Variants in SHTN1 observed in about 807,000 individuals in gnomAD.
The protein encoded by SHTN1 is shootin-1.
In SHTN1, 42 loss-of-function variants were observed where a neutral mutation model predicts 83.1. The ratio of observed to expected loss-of-function variants is 0.51; its 90% CI spans 0.39 to 0.65. SHTN1 has a LOEUF of 0.65. SHTN1 is among the 30% of genes least tolerant of loss of function. SHTN1 has a pLI of 0.00. For synonymous variants in SHTN1, 224 were observed against 247.7 expected (o/e 0.90, Z 0.90); for missense variants, 622 against 737.8 (o/e 0.84, Z 1.82).
At chr10:117,123,757 A>C (rs924849352) in intron 1 of SHTN1, among the ~76,000 whole-genome samples, 5 of 151,470 alleles carry the variant, frequency 3.3e-5, no homozygotes, top group African/African-American at 1.2e-4. Context: ...ATACAAAAAA[A>C]AATCAGCTGG....
intron 6 of SHTN1, 58 bp from the exon 7 acceptor site, chr10:116,949,055 G>T: frequency 7.0e-7 from 1 of 1,431,736 alleles, no homozygotes; most frequent in Non-Finnish European, 9.2e-7. Flanking sequence ...CAGGACATAT[G>T]GCAATGTGTG....
rs184759803 is a variant in SHTN1, at chr10:117,026,571, C to A, written c.-123+21874G>T. Among the ~76,000 whole-genome samples, 179 of 152,252 alleles carry A rather than the reference C, an allele frequency of 1.2e-3. 1 individual carries two copies. Among genetic ancestry groups the A allele is most frequent in the African/African-American group, 4.2e-3 (173 of 41,548 alleles). On this transcript the variant is annotated intron_variant, in intron 2 of 17. Coordinates refer to the SHTN1 transcript ENST00000392901. The stretch of plus-strand genomic sequence containing the variant: ...CCAAGTAGCTTGGATTACAGGTGTG[C>A]ACCACTATGCCCAGCTAATTTTGTA...
intron 1 of SHTN1, among the ~76,000 whole-genome samples, chr10:117,125,731 T>C (rs1853994673): frequency 6.6e-6 from 1 of 152,150 alleles, no homozygotes; most frequent in Non-Finnish European, 1.5e-5. Flanking sequence ...TTCTTGATCA[T>C]CTCAGAATTC....
chr10:117,017,590 T>C (rs1417761523), intron 2 of SHTN1, among the ~76,000 whole-genome samples: 1 of 151,810 alleles, frequency 6.6e-6, no homozygotes, highest in African/African-American at 2.4e-5. Context: ...AAATAAATGA[T>C]TAAGTAGAAA....
chr10:116,998,254 T>C (rs941411585), intron 1 of SHTN1, among the ~76,000 whole-genome samples: 2 of 152,240 alleles, frequency 1.3e-5, no homozygotes, highest in Non-Finnish European at 2.9e-5. Context: ...TCCAATATTC[T>C]GTTGTTCAGA....
intron 11 of SHTN1, among the ~76,000 whole-genome samples, chr10:116,923,478 T>C (rs908054911): frequency 1.3e-5 from 2 of 151,998 alleles, no homozygotes; most frequent in Non-Finnish European, 1.5e-5. Flanking sequence ...AGGCATAACA[T>C]TGCCCTTAGG....
intron 9 of SHTN1, among the ~76,000 whole-genome samples, chr10:116,930,265 C>A (rs1848909778): frequency 6.6e-6 from 1 of 152,024 alleles, no homozygotes; most frequent in Non-Finnish European, 1.5e-5. Flanking sequence ...GTTCGGGGTA[C>A]ATGTGCATGG....
upstream of SHTN1, chr10:117,005,315 C>G (rs983539744): frequency 1.2e-5 from 17 of 1,370,808 alleles, no homozygotes; most frequent in South Asian, 1.5e-5. Flanking sequence ...CCAGCAGTCC[C>G]GTTCAGGGGG....
chr10:117,022,718 C>T (rs190335229), intron 2 of SHTN1, among the ~76,000 whole-genome samples: 4 of 152,186 alleles, frequency 2.6e-5, no homozygotes, highest in Admixed American at 1.3e-4. Flanking sequence ...GTCAGGAGTT[C>T]GAGACCAGCC....
intron 1 of SHTN1, among the ~76,000 whole-genome samples, chr10:117,094,144 C>A (rs78693227): frequency 1.3e-5 from 2 of 152,118 alleles, no homozygotes; most frequent in Non-Finnish European, 2.9e-5. Flanking sequence ...GGCACTACAC[C>A]GCTCTGATGA....
intron 1 of SHTN1, among the ~76,000 whole-genome samples, chr10:117,094,865 T>G (rs1043769281): frequency 1.3e-5 from 2 of 152,214 alleles, no homozygotes; most frequent in East Asian, 3.8e-4. Context: ...AATCTGAATC[T>G]CGATAAGTTA....
chr10:116,902,243 A>G (rs1847772623), intron 15 of SHTN1, among the ~76,000 whole-genome samples: 1 of 152,140 alleles, frequency 6.6e-6, no homozygotes, highest in Middle Eastern at 3.2e-3. Context: ...GTAATACTGG[A>G]ATTGTGGAAA....
At chr10:117,116,399 G>A (rs1353494744) in intron 1 of SHTN1, among the ~76,000 whole-genome samples, 1 of 152,072 alleles carries the variant, frequency 6.6e-6, no homozygotes, top group East Asian at 1.9e-4. Flanking sequence ...CCAGTAACAA[G>A]TAATGAGATG....
At chr10:116,926,414 T>C (rs955614058) in intron 11 of SHTN1, among the ~76,000 whole-genome samples, 1 of 152,228 alleles carries the variant, frequency 6.6e-6, no homozygotes, top group Non-Finnish European at 1.5e-5. Context: ...CAGATTTAGC[T>C]ACCCAGGAGA....
At chr10:116,985,732 C>G (rs761598171) in intron 1 of SHTN1, among the ~76,000 whole-genome samples, 1 of 152,142 alleles carries the variant, frequency 6.6e-6, no homozygotes, top group African/African-American at 2.4e-5. Context: ...AGACTTTCAT[C>G]CATTCAGTCT....
At chr10:116,944,894 A>G (rs762704393) in intron 8 of SHTN1, 30 bp downstream of exon 8, 1 of 1,456,036 alleles carries the variant, frequency 6.9e-7, no homozygotes, top group Admixed American at 1.7e-5. Flanking sequence ...TGTCTCAAGA[A>G]AAAAAATAAG....
chr10:116,997,233 T>C (rs1851657063), intron 1 of SHTN1, among the ~76,000 whole-genome samples: 1 of 152,260 alleles, frequency 6.6e-6, no homozygotes, highest in Non-Finnish European at 1.5e-5. Flanking sequence ...CTCCTGCCTT[T>C]GGAAGCCTGG....
chr10:117,011,219 C>G (rs1013450905), intron 2 of SHTN1, among the ~76,000 whole-genome samples: 1 of 152,144 alleles, frequency 6.6e-6, no homozygotes, highest in Admixed American at 6.5e-5. Flanking sequence ...GTAGTTTTAG[C>G]TGAATTTAGC....
At chr10:117,026,236 TG>T (rs1292979494) in intron 2 of SHTN1, among the ~76,000 whole-genome samples, 1 of 152,154 alleles carries the variant, frequency 6.6e-6, no homozygotes, top group Non-Finnish European at 1.5e-5. Context: ...ACAAGCTGAC[TG>T]AAAAGCCCTT....
Sources: allele counts gnomAD v4.1 joint callset (sites outside exome capture counted in the v4.1 genomes callset), GRCh38; gene constraint gnomAD v4.1.1; transcripts MANE v1.5; gene names NCBI Gene and HGNC (gene_info 2026-07-23, HGNC 2026-07-21).